Variants in PTPRM observed in about 807,000 individuals in gnomAD.
PTPRM encodes the protein receptor-type tyrosine-protein phosphatase mu.
Under a neutral mutation model 186.7 loss-of-function variants are expected in PTPRM, and 47 were observed. The observed-to-expected ratio is 0.25, with a 90% CI of 0.20 to 0.32. The LOEUF is 0.32. Ranked by LOEUF, PTPRM falls within the 10% of genes least tolerant of loss-of-function variation. PTPRM has a pLI of 1.00. For synonymous variants in PTPRM, 668 were observed against 674.9 expected (o/e 0.99, Z 0.16); for missense variants, 1,494 against 1,865.0 (o/e 0.80, Z 3.66).
chr18:8,315,223 C>G (rs2095300355), intron 21 of PTPRM, among the ~76,000 whole-genome samples: 1 of 152,062 alleles, frequency 6.6e-6, no homozygotes, highest in South Asian at 2.1e-4. Context: ...ATTTTTTTGT[C>G]AACAACTCAT....
Position 8,113,632 on chromosome 18 carries a change from A to C in PTPRM, c.2003A>C (p.Asp668Ala), listed in dbSNP as rs1206314288. The C allele has an allele frequency of 6.2e-7, 1 of 1,614,122 alleles. No homozygotes were observed. Among genetic ancestry groups the C allele is most frequent in the East Asian group, 2.2e-5 (1 of 44,882 alleles). ...QYYFAAEFPA[D>A]SLQAAQPFTI... ...TACTTTGCTGCAGAATTTCCTGCAGACAGCCTCCAAGCTGCGCAGCCTTTT... is the reference window on the plus strand; with the variant it reads ...TACTTTGCTGCAGAATTTCCTGCAGCCAGCCTCCAAGCTGCGCAGCCTTTT... Residue 668 changes from aspartate to alanine, a missense_variant, in exon 12 of 33, where the codon GAC (aspartate) becomes GCC (alanine). Physicochemically the swap from Asp to Ala is moderately radical, Grantham distance 126. Transcript: ENST00000580170.
chr18:8,267,762 G>C (rs144415032), intron 19 of PTPRM, among the ~76,000 whole-genome samples: 42 of 152,226 alleles, frequency 2.8e-4, no homozygotes, highest in African/African-American at 9.6e-4. Flanking sequence ...TCAGCACTCT[G>C]TAAGAATGGT....
chr18:8,401,456 C>T (rs181576449), intron 32 of PTPRM, among the ~76,000 whole-genome samples: 7 of 152,308 alleles, frequency 4.6e-5, no homozygotes, highest in Admixed American at 6.5e-5. Context: ...GATCCCACCA[C>T]GGTAATAGGG....
At chr18:8,109,467 G>T (rs916666148) in intron 11 of PTPRM, among the ~76,000 whole-genome samples, 1 of 152,184 alleles carries the variant, frequency 6.6e-6, no homozygotes, top group Non-Finnish European at 1.5e-5. Context: ...ATCTGAAGAT[G>T]AGTGGATAGT....
At chr18:7,650,178 T>C (rs1185138973) in intron 1 of PTPRM, among the ~76,000 whole-genome samples, 1 of 152,190 alleles carries the variant, frequency 6.6e-6, no homozygotes, top group Non-Finnish European at 1.5e-5. Context: ...CAGGGTGTAC[T>C]ACAGGACTTC....
intron 22 of PTPRM, among the ~76,000 whole-genome samples, chr18:8,334,111 G>A (rs1376235865): frequency 6.6e-6 from 1 of 152,212 alleles, no homozygotes; most frequent in Non-Finnish European, 1.5e-5. Context: ...GAATGAATGA[G>A]ATCGTGCATA....
chr18:7,665,920 C>CA (rs533855367), intron 1 of PTPRM, among the ~76,000 whole-genome samples: 3,377 of 142,592 alleles, frequency 0.024, 127 homozygotes, highest in African/African-American at 0.08. Flanking sequence ...GACTCTGTCT[C>CA]AAAAAAAAAA....
At chr18:8,395,204 T>G (rs2095839901) in intron 32 of PTPRM, among the ~76,000 whole-genome samples, 1 of 151,844 alleles carries the variant, frequency 6.6e-6, no homozygotes, top group African/African-American at 2.4e-5. Flanking sequence ...GAGGAAGCTT[T>G]TAGATTAGGT....
intron 29 of PTPRM, among the ~76,000 whole-genome samples, chr18:8,384,308 A>G (rs1480149535): frequency 6.6e-6 from 1 of 152,128 alleles, no homozygotes; most frequent in African/African-American, 2.4e-5. Flanking sequence ...AAATACAAAA[A>G]TTAGCCAGGC....
chr18:8,238,421 TACA>T (rs77235900), intron 14 of PTPRM, among the ~76,000 whole-genome samples: 3,933 of 152,240 alleles, frequency 0.026, 71 homozygotes, highest in East Asian at 0.055. Flanking sequence ...TTCATTCTGT[TACA>T]ACGTTTTTTG....
At chr18:7,925,395 C>T (rs563566175) in intron 4 of PTPRM, among the ~76,000 whole-genome samples, 10 of 152,220 alleles carry the variant, frequency 6.6e-5, no homozygotes, top group Non-Finnish European at 1.3e-4. Flanking sequence ...ATGGGGCTTT[C>T]CTGTGTGTTT....
intron 1 of PTPRM, among the ~76,000 whole-genome samples, chr18:7,679,605 C>G (rs1203472492): frequency 6.6e-6 from 1 of 152,164 alleles, no homozygotes; most frequent in Admixed American, 6.5e-5. Flanking sequence ...GCAGAGGTTA[C>G]AGTGAGCTGA....
At chr18:8,326,844 T>C (rs566785845) in intron 22 of PTPRM, among the ~76,000 whole-genome samples, 1 of 152,136 alleles carries the variant, frequency 6.6e-6, no homozygotes, top group African/African-American at 2.4e-5. Flanking sequence ...ACTATAAAAA[T>C]CCTGGAATAT....
At chr18:7,740,201 G>A (rs929192946) in intron 1 of PTPRM, among the ~76,000 whole-genome samples, 4 of 152,252 alleles carry the variant, frequency 2.6e-5, no homozygotes, top group African/African-American at 9.6e-5. Context: ...TCAGCTCCAA[G>A]CTTGAAGCAG....
intron 2 of PTPRM, among the ~76,000 whole-genome samples, chr18:7,800,388 T>C (rs575641936): frequency 1.5e-4 from 23 of 152,196 alleles, no homozygotes; most frequent in Non-Finnish European, 2.9e-4. Flanking sequence ...TTGTGCATGA[T>C]ACTGGGGGCA....
chr18:7,972,303 G>A lies in PTPRM; in HGVS notation c.1132+16889G>A, dbSNP rs1599791044. On this transcript the variant is annotated intron_variant, in intron 7 of 32. Transcript: ENST00000580170. ...AGGAAGGGGAATATCACACTCTGGGGACTGTGGTGGGGTAGGGGGAGGGGG... is the reference window on the plus strand; with the variant it reads ...AGGAAGGGGAATATCACACTCTGGGAACTGTGGTGGGGTAGGGGGAGGGGG... 2.6e-5 allele frequency among the ~76,000 whole-genome samples: 3 copies of A among 113,552 alleles called. No homozygotes were observed. The South Asian group carries it at 9.3e-4, about 35-fold the overall frequency. The allele number at this position is 113,552 out of a possible 152,430, so 74.5% of individuals were successfully genotyped here. A position where few individuals can be genotyped will look rare whatever the true frequency, so the allele number is the denominator to read the frequency against.
At chr18:7,973,344 C>T (rs2054701370) in intron 7 of PTPRM, among the ~76,000 whole-genome samples, 1 of 152,270 alleles carries the variant, frequency 6.6e-6, no homozygotes, top group African/African-American at 2.4e-5. Context: ...AAGTTATGCT[C>T]TACCAGCAAG....
intron 14 of PTPRM, among the ~76,000 whole-genome samples, chr18:8,239,674 G>C (rs957006265): frequency 6.6e-6 from 1 of 152,102 alleles, no homozygotes; most frequent in Non-Finnish European, 1.5e-5. Flanking sequence ...TCTCCAATTT[G>C]GGGGGCAGTG....
At chr18:7,834,354 C>T (rs2045912517) in intron 2 of PTPRM, among the ~76,000 whole-genome samples, 1 of 148,064 alleles carries the variant, frequency 6.8e-6, no homozygotes, top group Non-Finnish European at 1.5e-5. Context: ...ATTGTTGCTT[C>T]AATATTCATC....
Sources: allele counts gnomAD v4.1 joint callset (sites outside exome capture counted in the v4.1 genomes callset), GRCh38; gene constraint gnomAD v4.1.1; transcripts MANE v1.5; gene names NCBI Gene and HGNC (gene_info 2026-07-23, HGNC 2026-07-21).